RNF213: variants seen among roughly 807,000 people sequenced by gnomAD.
RNF213 encodes the protein ring finger protein 213, also known as E3 ubiquitin-protein ligase RNF213.
RNF213 carries 341 observed loss-of-function variants against 514.4 expected under a neutral mutation model. The ratio of observed to expected loss-of-function variants is 0.66; its 90% CI spans 0.61 to 0.73. The LOEUF (loss-of-function observed/expected upper bound fraction) is 0.73. Among genes scored for constraint, RNF213 ranks in the 30% least tolerant of loss-of-function variants. The probability of loss-of-function intolerance (pLI) is 0.00; values close to 1 mark genes in which losing one functional copy is unlikely to be tolerated. For missense variants in RNF213, 5,767 were observed against 6,615.6 expected, an observed-to-expected ratio of 0.87 and a Z score of 4.45; for synonymous variants, 2,655 against 2,658.2, an observed-to-expected ratio of 1.00 and a Z score of 0.04.
At chr17:80,290,539 G>C (rs757541681) in intron 6 of RNF213, 31 bp from the exon 7 acceptor site, 1 of 1,612,736 alleles carries the variant, frequency 6.2e-7, no homozygotes, top group South Asian at 1.1e-5. Context: ...GATCTCACGG[G>C]AATCAGATTT....
In RNF213 at chr17:80,388,615, A is replaced by C; in HGVS notation, c.14926A>C (p.Ile4976Leu). ...ACTTTTTTCTTTCCCAATTTAGGGA[A>C]TACCCACTCTGGTGTACAGACACGA... ...QGKPRLSLKGIPTLVYRHDWN... is the reference protein window; with the variant it reads ...QGKPRLSLKGLPTLVYRHDWN... The change falls in exon 64 of 68, where the codon ATA becomes CTA. Residue 4976 changes from isoleucine to leucine, a missense_variant. Around this residue, in one of 13 missense-constraint regions of RNF213, gnomAD observed 1,245 missense variants for 1,339.0 expected, o/e 0.93. Transcript: ENST00000582970. 6.2e-7 allele frequency: 1 copy of C among 1,607,534 alleles called. No individual in the cohort carries two copies. The highest frequency in any genetic ancestry group is 8.5e-7 in the Non-Finnish European group (1 of 1,174,448).
At chr17:80,379,853 T>C in intron 55 of RNF213, 139 bp downstream of exon 55, 1 of 747,624 alleles carries the variant, frequency 1.3e-6, no homozygotes, top group Non-Finnish European at 2.4e-6. Flanking sequence ...TGAATAGCAA[T>C]GCCAAAGTCC....
chr17:80,350,647 T>A (rs918173175), intron 31 of RNF213, among the ~76,000 whole-genome samples: 2 of 152,046 alleles, frequency 1.3e-5, no homozygotes, highest in African/African-American at 4.8e-5. Flanking sequence ...TCTAAAAAAA[T>A]AAAATAATTA....
In RNF213 at chr17:80,395,593, T is replaced by TC. The variant is rs2080641189; in HGVS notation, c.*2100dup. On this transcript the variant is annotated 3_prime_UTR_variant, in exon 68 of 68. Transcript: ENST00000582970. ...GCTTACACCTCTGCCTCAGAAGGAG[T>TC]CCCCCATGCCCTGCCTGAAATGACT... 1 of 151,858 alleles carries TC rather than the reference T, an allele frequency of 6.6e-6. No homozygotes were observed. Among genetic ancestry groups the TC allele is most frequent in the African/African-American group, 2.4e-5 (1 of 41,280 alleles). The allele number at this position is 151,858 out of a possible 1,614,324, so 9.4% of individuals were successfully genotyped here. A position where few individuals can be genotyped will look rare whatever the true frequency, so the allele number is the denominator to read the frequency against.
At chr17:80,286,532 C>G (rs9972886) in intron 3 of RNF213, among the ~76,000 whole-genome samples, 1 of 151,996 alleles carries the variant, frequency 6.6e-6, no homozygotes, top group African/African-American at 2.4e-5. Context: ...ACACAGGGGC[C>G]GACCGTCAGC....
At chr17:80,330,945 G>A (rs950190723) in intron 20 of RNF213, among the ~76,000 whole-genome samples, 2 of 152,172 alleles carry the variant, frequency 1.3e-5, no homozygotes, top group Non-Finnish European at 2.9e-5. Context: ...AGCCTCCCTA[G>A]TAGCTGAGAT....
chr17:80,297,670 C>T (rs1241422482), intron 10 of RNF213, among the ~76,000 whole-genome samples: 2 of 151,402 alleles, frequency 1.3e-5, no homozygotes, highest in Non-Finnish European at 2.9e-5. Context: ...ACCTGTAGTC[C>T]CAGCTACTCG....
At chr17:80,293,637 C>T (rs1198687018) in intron 8 of RNF213, among the ~76,000 whole-genome samples, 1 of 151,800 alleles carries the variant, frequency 6.6e-6, no homozygotes, top group Admixed American at 6.6e-5. Flanking sequence ...TCCTGGCTAA[C>T]ACGGTGAAAC....
At position 80,336,150 on chromosome 17, in the gene RNF213, C is replaced by T. The variant is rs183136871; in HGVS notation, c.4310-11C>T. ...TAGTCCCACGCTGAACTCCCCTCTT[C>T]TCTTCCCCAGGCATCAATGAGCTGA... On this transcript the variant is annotated splice_polypyrimidine_tract_variant and intron_variant, in intron 22 of 67. Transcript: ENST00000582970. The T allele has an allele frequency of 1.8e-5, 28 of 1,535,966 alleles. No individual in the cohort carries two copies. In the African/African-American group the frequency reaches 3.4e-4, roughly 19 times the overall value.
intron 16 of RNF213, among the ~76,000 whole-genome samples, chr17:80,318,869 G>T (rs543257830): frequency 6.6e-6 from 1 of 152,156 alleles, no homozygotes. Flanking sequence ...CACCGCGCCC[G>T]GCCTATATGT....
chr17:80,315,092 A>G (rs1158953896), intron 15 of RNF213, among the ~76,000 whole-genome samples: 1 of 2,952 alleles, frequency 3.4e-4, no homozygotes, highest in Non-Finnish European at 5.5e-4. Context: ...TGGTGGAGGT[A>G]ATGGAGGTGA....
Position 80,288,520 on chromosome 17 carries a change from A to T in RNF213, c.811-113A>T. ...TCGGAGGGCTGCCCCTCCACTGGGGATGCCAGCCCACCCTGTCCCTCGGCT... is the reference window on the plus strand; with the variant it reads ...TCGGAGGGCTGCCCCTCCACTGGGGTTGCCAGCCCACCCTGTCCCTCGGCT... On this transcript the variant is annotated intron_variant, in intron 4 of 67. Transcript: ENST00000582970. This position sits in a 1 kb window ranked among gnomAD's most constrained non-coding sequence, Gnocchi z 4.9. 2 of 1,603,560 alleles carry T rather than the reference A, an allele frequency of 1.2e-6. No homozygotes were observed. The highest frequency in any genetic ancestry group is 1.8e-4 in the Middle Eastern group (1 of 5,466).
intron 42 of RNF213, among the ~76,000 whole-genome samples, chr17:80,367,395 C>A (rs1398694456): frequency 3.3e-5 from 5 of 152,112 alleles, no homozygotes; most frequent in African/African-American, 7.2e-5. Flanking sequence ...AAAAAATGAT[C>A]TAAAGCAAAT....
At position 80,370,533 on chromosome 17, in the gene RNF213, G is replaced by C. The variant is rs550304984; in HGVS notation, c.12425+666G>C. ...TGGCCCCTCACGTGAAGACACAGTA[G>C]CTGGAGGTATTGTTTTCTTCACCGC... On this transcript the variant is annotated intron_variant, in intron 46 of 67. Transcript: ENST00000582970. 3.3e-5 allele frequency among the ~76,000 whole-genome samples: 5 copies of C among 152,320 alleles called. No individual in the cohort carries two copies. The South Asian group carries it at 8.3e-4, about 25-fold the overall frequency.
intron 22 of RNF213, 129 bp from the exon 23 acceptor site, chr17:80,336,032 A>C (rs907996749): frequency 1.4e-6 from 1 of 734,212 alleles, no homozygotes. Flanking sequence ...TACTGAAAGC[A>C]GAAAGTGGAC....
chr17:80,376,776 G>A (rs2079776776), intron 52 of RNF213, 106 bp from the exon 53 acceptor site: 6 of 1,164,400 alleles, frequency 5.2e-6, no homozygotes, highest in Non-Finnish European at 7.5e-6. Context: ...AAGTCCAGCA[G>A]AAGGAAAGCA....
At chr17:80,307,362 G>GCTTTTTTTTTT (rs550244427) in intron 13 of RNF213, among the ~76,000 whole-genome samples, 161 bp downstream of exon 13, 1 of 113,720 alleles carries the variant, frequency 8.8e-6, no homozygotes, top group Non-Finnish European at 1.7e-5. Context: ...ATTGTCGTCT[G>GCTTTTTTTTTT]TTTTTTTTTT....
chr17:80,327,640 G>A (rs1289886982), intron 18 of RNF213, among the ~76,000 whole-genome samples, 176 bp from the exon 19 acceptor site: 1 of 152,206 alleles, frequency 6.6e-6, no homozygotes, highest in African/African-American at 2.4e-5. Context: ...CCTAACCCTC[G>A]TGGGGGAAAG....
In RNF213 at chr17:80,334,139, T is replaced by C; in HGVS notation, c.4178T>C (p.Leu1393Pro). 1.3e-6 allele frequency: 2 copies of C among 1,537,282 alleles called. No homozygotes were observed. The highest frequency in any genetic ancestry group is 1.7e-6 in the Non-Finnish European group (2 of 1,146,926). The change falls in exon 22 of 68, where the codon CTG (leucine) becomes CCG (proline). Residue 1393 changes from leucine to proline, a missense_variant. Physicochemically the swap from Leu to Pro is moderately conservative, Grantham distance 98 (BLOSUM62 -3). This residue lies in a region of RNF213 where 516 missense variants were observed against 566.5 expected (regional missense o/e 0.91). Transcript: ENST00000582970. ...TTCGACGACTTTCGCCGTGAAACAC[T>C]GGACCAGATCAACCAGGAGCTCATC... ...DNFDDFRRET[L>P]DQINQELIQA...
Sources: gnomAD v4.1 joint callset for allele counts (sites outside exome capture counted in the v4.1 genomes callset) on GRCh38, gnomAD v4.1.1 for gene constraint, gnomAD v4.1.1 regional missense constraint, Gnocchi (gnomAD v3.1) non-coding constraint, MANE v1.5 for transcripts, NCBI Gene and HGNC (gene_info 2026-07-23, HGNC 2026-07-21) for gene names.